ANGPT1: variants seen among roughly 807,000 people sequenced by gnomAD.
ANGPT1 encodes angiopoietin-1.
ANGPT1 carries 17 observed loss-of-function variants against 62.2 expected under a neutral mutation model. That is an observed-to-expected ratio of 0.27 (90% CI 0.19 to 0.41). The LOEUF (loss-of-function observed/expected upper bound fraction) is 0.41, where lower values mean the gene tolerates loss of function less well. ANGPT1 is among the 10% of genes least tolerant of loss of function. ANGPT1 has a pLI of 1.00. For synonymous variants in ANGPT1, 199 were observed against 198.9 expected (o/e 1.00, Z 0.00); for missense variants, 478 against 594.9 (o/e 0.80, Z 2.04).
chr8:107,367,659 C>T (rs1001931056), intron 1 of ANGPT1, among the ~76,000 whole-genome samples: 6 of 152,212 alleles, frequency 3.9e-5, no homozygotes, highest in African/African-American at 9.6e-5. Context: ...CCTCTGAAAC[C>T]CTGTCAATAC....
intron 1 of ANGPT1, among the ~76,000 whole-genome samples, chr8:107,381,715 A>G (rs1272773961): frequency 1.3e-5 from 2 of 152,196 alleles, no homozygotes; most frequent in African/African-American, 4.8e-5. Context: ...AACTGGAACA[A>G]TTTTCCATGT....
intron 1 of ANGPT1, among the ~76,000 whole-genome samples, chr8:107,484,922 T>C (rs1441619209): frequency 6.6e-6 from 1 of 152,202 alleles, no homozygotes; most frequent in Non-Finnish European, 1.5e-5. Context: ...TTTGCTGTAT[T>C]GTCAGCTATC....
At chr8:107,286,246 A>G (rs1236993253) in intron 6 of ANGPT1, among the ~76,000 whole-genome samples, 1 of 152,196 alleles carries the variant, frequency 6.6e-6, no homozygotes, top group Non-Finnish European at 1.5e-5. Flanking sequence ...CAATATTTAT[A>G]AAATGTTATG....
intron 7 of ANGPT1, among the ~76,000 whole-genome samples, chr8:107,270,948 A>T (rs1341676546): frequency 6.6e-6 from 1 of 152,038 alleles, no homozygotes; most frequent in Admixed American, 6.6e-5. Flanking sequence ...AGACTTATAG[A>T]TATCTAAAAA....
chr8:107,363,744 T>C (rs1387812724), intron 1 of ANGPT1, among the ~76,000 whole-genome samples: 2 of 152,164 alleles, frequency 1.3e-5, no homozygotes, highest in Non-Finnish European at 2.9e-5. Flanking sequence ...ATGTGACAGA[T>C]GGCATTGGAC....
At chr8:107,269,557 A>G (rs1813692044) in intron 7 of ANGPT1, among the ~76,000 whole-genome samples, 1 of 152,060 alleles carries the variant, frequency 6.6e-6, no homozygotes, top group Admixed American at 6.6e-5. Flanking sequence ...GTTAGAATAC[A>G]TCTCCCAAAA....
At chr8:107,375,258 A>G (rs933612392) in intron 1 of ANGPT1, among the ~76,000 whole-genome samples, 1 of 152,212 alleles carries the variant, frequency 6.6e-6, no homozygotes, top group African/African-American at 2.4e-5. Context: ...TGCCAGTTAT[A>G]GAAATAAGGT....
At chr8:107,305,355 A>G (rs1306987733) in intron 4 of ANGPT1, among the ~76,000 whole-genome samples, 1 of 151,944 alleles carries the variant, frequency 6.6e-6, no homozygotes, top group African/African-American at 2.4e-5. Context: ...TGTATATACC[A>G]CATCCTGCCC....
intron 5 of ANGPT1, chr8:107,295,377 C>A (rs1229203630): frequency 2.0e-5 from 3 of 152,140 alleles, no homozygotes; most frequent in Non-Finnish European, 2.9e-5. Context: ...TCAACATAAC[C>A]TCGAGCTACA....
chr8:107,464,756 T>G (rs1439753935), intron 1 of ANGPT1, among the ~76,000 whole-genome samples: 1 of 152,136 alleles, frequency 6.6e-6, no homozygotes, highest in Non-Finnish European at 1.5e-5. Flanking sequence ...CAAGTGAAGC[T>G]CATACATGGA....
intron 1 of ANGPT1, among the ~76,000 whole-genome samples, chr8:107,411,035 CA>C (rs1347799285): frequency 3.3e-5 from 5 of 152,062 alleles, no homozygotes; most frequent in African/African-American, 1.2e-4. Flanking sequence ...TGAACAAAAT[CA>C]TAGGATAAAA....
At chr8:107,347,214 A>T (rs1344386437) in intron 1 of ANGPT1, 117 bp from the exon 2 acceptor site, 2 of 984,508 alleles carry the variant, frequency 2.0e-6, no homozygotes, top group Non-Finnish European at 1.5e-6. Flanking sequence ...TCTGGCGGGG[A>T]TCCTCTACAT....
intron 1 of ANGPT1, among the ~76,000 whole-genome samples, chr8:107,377,568 G>T (rs1328881357): frequency 2.0e-5 from 3 of 152,184 alleles, no homozygotes; most frequent in African/African-American, 7.2e-5. Flanking sequence ...AAAGTATTTT[G>T]ATGTTTGGAG....
intron 1 of ANGPT1, among the ~76,000 whole-genome samples, chr8:107,415,236 G>A (rs1305101879): frequency 6.6e-6 from 1 of 152,200 alleles, no homozygotes; most frequent in Non-Finnish European, 1.5e-5. Flanking sequence ...TTATGTCTAA[G>A]TGGAAGGATT....
At chr8:107,428,726 C>T (rs943214486) in intron 1 of ANGPT1, among the ~76,000 whole-genome samples, 2 of 151,978 alleles carry the variant, frequency 1.3e-5, no homozygotes, top group African/African-American at 4.8e-5. Flanking sequence ...AGCAAGGACA[C>T]GTTGATAGCC....
In ANGPT1 at chr8:107,317,092, T is replaced by C. The variant is rs905991714; in HGVS notation, c.808+4804A>G. ...TGCCCTTATCCTTCTGTTCCTGCCA[T>C]GATTTTAATATTTCTCTGTGAGCTT... On this transcript the variant is annotated intron_variant, in intron 4 of 8. Coordinates refer to ENST00000517746, the MANE Select transcript of ANGPT1 (RefSeq NM_001146.5). 3.9e-5 allele frequency among the ~76,000 whole-genome samples: 6 copies of C among 152,218 alleles called. No homozygotes were observed. In the South Asian group the frequency reaches 1.2e-3, roughly 32 times the overall value.
At chr8:107,496,599 G>A (rs1004553240) in intron 1 of ANGPT1, among the ~76,000 whole-genome samples, 3 of 152,108 alleles carry the variant, frequency 2.0e-5, no homozygotes, top group Non-Finnish European at 2.9e-5. Flanking sequence ...TGCCCTCATC[G>A]TGAGCGAGCA....
chr8:107,329,287 T>A (rs1263518666), intron 3 of ANGPT1, among the ~76,000 whole-genome samples: 1 of 152,036 alleles, frequency 6.6e-6, no homozygotes, highest in Non-Finnish European at 1.5e-5. Context: ...TGGTATGGTG[T>A]AGGGGTGTGG....
intron 3 of ANGPT1, among the ~76,000 whole-genome samples, chr8:107,330,275 G>A (rs1049566280): frequency 1.3e-5 from 2 of 151,938 alleles, no homozygotes; most frequent in Non-Finnish European, 2.9e-5. Flanking sequence ...TTACAAATTA[G>A]GAAACCAAAA....
Sources: gnomAD v4.1 joint callset for allele counts (sites outside exome capture counted in the v4.1 genomes callset) on GRCh38, gnomAD v4.1.1 for gene constraint, MANE v1.5 for transcripts, NCBI Gene and HGNC (gene_info 2026-07-23, HGNC 2026-07-21) for gene names.